The following CAPN11 variants were observed in gnomAD, a reference collection of about 807,000 sequenced individuals.
CAPN11 encodes calpain-11.
Under a neutral mutation model 105.3 loss-of-function variants are expected in CAPN11, and 108 were observed. The observed-to-expected ratio is 1.03, with a 90% CI of 0.88 to 1.20. CAPN11 has a LOEUF of 1.20. CAPN11 is among the 50% of genes most tolerant of loss of function. The pLI, the probability that CAPN11 is intolerant of heterozygous loss-of-function variation, is 0.00. For missense variants in CAPN11, 883 were observed against 924.8 expected (o/e 0.95, Z 0.59); for synonymous variants, 329 against 344.5 (o/e 0.96, Z 0.50).
In CAPN11 at chr6:44,168,610, AT is replaced by A. The variant is rs540858319; in HGVS notation, c.89-670del. On this transcript the variant is annotated intron_variant, in intron 2 of 22. Transcript: ENST00000398776. ...GACTGTCTTCTTTCATTTAAAAAAA[AT>A]ATTTATTTATTTATTTTTATTTATT... is the stretch of plus-strand genomic sequence containing the variant. Among the ~76,000 whole-genome samples, 669 of 151,422 alleles carry A rather than the reference AT, an allele frequency of 4.4e-3. 5 individuals carry two copies. Among genetic ancestry groups the A allele is most frequent in the African/African-American group, 0.015 (628 of 41,318 alleles).
At chr6:44,183,347 C>A in intron 21 of CAPN11, 112 bp downstream of exon 21, 1 of 719,534 alleles carries the variant, frequency 1.4e-6, no homozygotes, top group Non-Finnish European at 2.5e-6. Flanking sequence ...ACAAGGCACA[C>A]ATGAAATGGA....
In CAPN11 at chr6:44,180,627, G is replaced by A. The variant is rs758027534; in HGVS notation, c.1711G>A (p.Asp571Asn). The A allele has an allele frequency of 1.4e-5, 23 of 1,613,812 alleles. No individual in the cohort carries two copies. The highest frequency in any genetic ancestry group is 1.9e-5 in the Non-Finnish European group (23 of 1,179,834). The change falls in exon 16 of 23, where the codon GAC (aspartate) becomes AAC (asparagine). Residue 571 changes from aspartate to asparagine, a missense_variant. Coordinates refer to ENST00000398776, the MANE Select transcript of CAPN11 (RefSeq NM_007058.4). ...EKVSEDDMDQ[D>N]FLHLFKIVAG... ...GGTCTCTGAGGATGACATGGACCAGGACTTCCTACATTTGTTTAAGATAGT... is the reference window on the plus strand; with the variant it reads ...GGTCTCTGAGGATGACATGGACCAGAACTTCCTACATTTGTTTAAGATAGT...
intron 1 of CAPN11, among the ~76,000 whole-genome samples, chr6:44,160,402 A>T (rs1482017291): frequency 6.6e-6 from 1 of 152,142 alleles, no homozygotes; most frequent in Non-Finnish European, 1.5e-5. Context: ...CAGATCACGA[A>T]GTCAGGAGAT....
In CAPN11 at chr6:44,183,735, C is replaced by T. The variant is rs1177504232; in HGVS notation, c.2165C>T (p.Thr722Ile). 16 of 1,613,790 alleles carry T rather than the reference C, an allele frequency of 9.9e-6. No homozygotes were observed. The highest frequency in any genetic ancestry group is 1.7e-5 in the Admixed American group (1 of 59,990). Residue 722 changes from threonine (T) to isoleucine (I), a missense_variant, in exon 22 of 23, where the codon ACT (threonine) becomes ATT (isoleucine). Transcript: ENST00000398776. ...TTTCTAACCATGGACCCCAAGAATA[C>T]TGGCCATATTTGCTTGAGCCTGGAA... is the stretch of plus-strand genomic sequence containing the variant. The part of the protein sequence containing the change: ...TFFLTMDPKN[T>I]GHICLSLEQW...
At chr6:44,171,652 ACT>A (rs1487770255) in intron 4 of CAPN11, among the ~76,000 whole-genome samples, 1 of 151,616 alleles carries the variant, frequency 6.6e-6, no homozygotes, top group Non-Finnish European at 1.5e-5. Context: ...GCATAGTGAG[ACT>A]CTGTCTCTAC....
chr6:44,171,379 G>A (rs1359538698), intron 4 of CAPN11, among the ~76,000 whole-genome samples: 5 of 152,200 alleles, frequency 3.3e-5, no homozygotes, highest in Admixed American at 3.3e-4. Context: ...ACCCTGCTGG[G>A]GCACATACTG....
intron 2 of CAPN11, 130 bp from the exon 3 acceptor site, chr6:44,169,151 C>G (rs1020871408): frequency 1.8e-6 from 2 of 1,092,610 alleles, no homozygotes; most frequent in African/African-American, 1.6e-5. Context: ...CCAGGCTGGT[C>G]TCAAACTCCT....
At chr6:44,160,230 C>G (rs1768485631) in intron 1 of CAPN11, among the ~76,000 whole-genome samples, 1 of 152,226 alleles carries the variant, frequency 6.6e-6, no homozygotes, top group Non-Finnish European at 1.5e-5. Flanking sequence ...ATTAGCTCAA[C>G]TGAGCCATTC....
At chr6:44,181,343 C>T (rs1256719813) in intron 19 of CAPN11, 23 bp downstream of exon 19, 3 of 1,604,772 alleles carry the variant, frequency 1.9e-6, no homozygotes, top group Admixed American at 3.4e-5. Context: ...AAAGGGGCAG[C>T]CTCCAGGGGT....
intron 3 of CAPN11, 109 bp downstream of exon 3, chr6:44,169,640 C>A (rs1770629018): frequency 3.3e-6 from 4 of 1,199,548 alleles, no homozygotes; most frequent in Non-Finnish European, 3.5e-6. Flanking sequence ...CCCATTCTGA[C>A]CCTGGCACTA....
chr6:44,169,751 G>A (rs1770642827), intron 3 of CAPN11, among the ~76,000 whole-genome samples, 155 bp from the exon 4 acceptor site: 1 of 152,138 alleles, frequency 6.6e-6, no homozygotes, highest in East Asian at 1.9e-4. Context: ...GCTATCACAA[G>A]CTGCAGCTAT....
intron 1 of CAPN11, among the ~76,000 whole-genome samples, chr6:44,160,836 A>G (rs1768655675): frequency 6.6e-6 from 1 of 152,142 alleles, no homozygotes; most frequent in Admixed American, 6.5e-5. Flanking sequence ...GACCACATTC[A>G]CATTACTGTT....
chr6:44,169,345 C>A lies in CAPN11; in HGVS notation c.153C>A (p.Gly51=). ...ACAACAGCCGGCTCAAGGCCAAGGG[C>A]GTGGGCCAGCACGACAACGCCCAGA... ...HINNSRLKAK[G]VGQHDNAQNF... is the part of the protein sequence containing the mutation. The change falls in exon 3 of 23, where the codon GGC becomes GGA. Residue 51 remains glycine, a synonymous_variant. Coordinates refer to ENST00000398776, the MANE Select transcript of CAPN11 (RefSeq NM_007058.4). 1 of 1,613,990 alleles carries A rather than the reference C, an allele frequency of 6.2e-7. No homozygotes were observed. Among genetic ancestry groups the A allele is most frequent in the Non-Finnish European group, 8.5e-7 (1 of 1,179,890 alleles).
chr6:44,181,971 ACT>A (rs1773658513), intron 19 of CAPN11, among the ~76,000 whole-genome samples: 1 of 126,220 alleles, frequency 7.9e-6, no homozygotes, highest in South Asian at 2.4e-4. Context: ...ACACATACAC[ACT>A]CACATACAGA....
intron 9 of CAPN11, 32 bp from the exon 10 acceptor site, chr6:44,176,549 C>G (rs781765664): frequency 5.0e-6 from 8 of 1,597,754 alleles, no homozygotes; most frequent in Middle Eastern, 1.7e-4. Context: ...TGACCTCCGC[C>G]CCTCTCCTTC....
chr6:44,166,942 G>GTGGGGGGGGGGC, intron 2 of CAPN11, 113 bp downstream of exon 2: 1 of 574,468 alleles, frequency 1.7e-6, no homozygotes. Flanking sequence ...GTTGTGTGGG[G>GTGGGGGGGGGGC]AGGGCGGCGG....
chr6:44,174,929 A>T (rs1430857586), intron 7 of CAPN11, among the ~76,000 whole-genome samples: 1 of 152,094 alleles, frequency 6.6e-6, no homozygotes, highest in Non-Finnish European at 1.5e-5. Flanking sequence ...CTTAAATGAC[A>T]TTCTTGAAAT....
chr6:44,180,944 A>C lies in CAPN11; in HGVS notation c.1816A>C (p.Lys606Gln). The C allele has an allele frequency of 6.2e-7, 1 of 1,613,442 alleles. No individual in the cohort carries two copies. The highest frequency in any genetic ancestry group is 8.5e-7 in the Non-Finnish European group (1 of 1,179,648). Residue 606 changes from lysine to glutamine, a missense_variant, in exon 18 of 23, where the codon AAG becomes CAG. Transcript: ENST00000398776. The stretch of plus-strand genomic sequence containing the variant: ...TCCCTTCCTCACAGTCAAAAGCTTC[A>C]AGACCAAGGGCTTTGGCCTGGATGC... ...NRMAIKFKSF[K>Q]TKGFGLDACR...
At chr6:44,183,057 G>A in intron 20 of CAPN11, 38 bp downstream of exon 20, 1 of 1,597,002 alleles carries the variant, frequency 6.3e-7, no homozygotes, top group Non-Finnish European at 8.6e-7. Context: ...GGGCAGGGAA[G>A]AGGATGGCAG....
Sources: gnomAD v4.1 joint callset for allele counts (sites outside exome capture counted in the v4.1 genomes callset) on GRCh38, gnomAD v4.1.1 for gene constraint, MANE v1.5 for transcripts, NCBI Gene and HGNC (gene_info 2026-07-23, HGNC 2026-07-21) for gene names.